RANBP17: variants seen among roughly 807,000 people sequenced by gnomAD.
The protein encoded by RANBP17 is RAN binding protein 17.
In RANBP17, 158 loss-of-function variants were observed where a neutral mutation model predicts 141.2. That is an observed-to-expected ratio of 1.12 (90% CI 0.98 to 1.28). The LOEUF (loss-of-function observed/expected upper bound fraction) is 1.28, where lower values mean the gene tolerates loss of function less well. Among genes scored for constraint, RANBP17 ranks in the 50% most tolerant of loss-of-function variants. The pLI is 0.00. For synonymous variants in RANBP17, 430 were observed against 450.0 expected, an observed-to-expected ratio of 0.96 and a Z score of 0.56; for missense variants, 1,438 against 1,290.7, an observed-to-expected ratio of 1.11 and a Z score of -1.75.
chr5:171,065,302 G>A (rs1784240489), intron 14 of RANBP17, among the ~76,000 whole-genome samples: 2 of 152,036 alleles, frequency 1.3e-5, no homozygotes. Context: ...CAGAATGGGG[G>A]GGTGGGGTGA....
chr5:171,049,777 G>T (rs1193406367), intron 14 of RANBP17, among the ~76,000 whole-genome samples: 1 of 152,132 alleles, frequency 6.6e-6, no homozygotes, highest in African/African-American at 2.4e-5. Flanking sequence ...GCACATGGCT[G>T]TAGGCATGCA....
At chr5:171,067,209 A>C (rs1784362011) in intron 14 of RANBP17, among the ~76,000 whole-genome samples, 1 of 152,114 alleles carries the variant, frequency 6.6e-6, no homozygotes, top group Non-Finnish European at 1.5e-5. Context: ...TGGGGTTTAC[A>C]CTAAACATCC....
At chr5:171,164,109 T>C (rs1288968618) in intron 14 of RANBP17, among the ~76,000 whole-genome samples, 1 of 152,172 alleles carries the variant, frequency 6.6e-6, no homozygotes, top group Non-Finnish European at 1.5e-5. Context: ...ATTTGTTTCA[T>C]GTGGTGCTTT....
chr5:171,124,993 A>G (rs1756324138), intron 14 of RANBP17, among the ~76,000 whole-genome samples: 1 of 152,196 alleles, frequency 6.6e-6, no homozygotes, highest in South Asian at 2.1e-4. Context: ...GTAGACACGT[A>G]GATTGAAAGT....
At chr5:170,892,663 T>C (rs1208424968) in intron 4 of RANBP17, 110 bp downstream of exon 4, 5 of 707,614 alleles carry the variant, frequency 7.1e-6, no homozygotes, top group Non-Finnish European at 9.0e-6. Context: ...AGTACCATGT[T>C]AATTATGATT....
At chr5:171,010,473 A>G (rs1779959579) in intron 14 of RANBP17, among the ~76,000 whole-genome samples, 1 of 152,204 alleles carries the variant, frequency 6.6e-6, no homozygotes, top group Non-Finnish European at 1.5e-5. Flanking sequence ...TTTCTGGAGG[A>G]AGCTAATACA....
chr5:171,128,495 T>TAA (rs1282070656), intron 14 of RANBP17, among the ~76,000 whole-genome samples: 4 of 152,150 alleles, frequency 2.6e-5, no homozygotes, highest in African/African-American at 9.7e-5. Flanking sequence ...GAATGATGGC[T>TAA]ACCAGAGGCT....
chr5:171,017,624 G>T (rs1324864955), intron 14 of RANBP17, among the ~76,000 whole-genome samples: 1 of 152,084 alleles, frequency 6.6e-6, no homozygotes, highest in Non-Finnish European at 1.5e-5. Flanking sequence ...TTGTAAATTT[G>T]TTTAAGTTCC....
At chr5:171,090,076 A>G (rs954114061) in intron 14 of RANBP17, among the ~76,000 whole-genome samples, 3 of 152,208 alleles carry the variant, frequency 2.0e-5, no homozygotes, top group East Asian at 1.9e-4. Flanking sequence ...TATGGAAGCA[A>G]CTTTGCAACT....
At chr5:170,911,488 A>G in intron 7 of RANBP17, 1 of 702,926 alleles carries the variant, frequency 1.4e-6, no homozygotes, top group Non-Finnish European at 2.7e-6. Context: ...GTGCTGGTCA[A>G]ACCTTTAAAT....
intron 14 of RANBP17, among the ~76,000 whole-genome samples, chr5:171,039,021 A>G (rs1782069747): frequency 6.6e-6 from 1 of 152,118 alleles, no homozygotes; most frequent in Admixed American, 6.6e-5. Context: ...TTTTGTGAAT[A>G]GTGCTGTGAT....
chr5:171,230,668 A>G (rs1764155580), intron 22 of RANBP17, among the ~76,000 whole-genome samples: 1 of 152,168 alleles, frequency 6.6e-6, no homozygotes, highest in Non-Finnish European at 1.5e-5. Flanking sequence ...AGGCTGAGGC[A>G]GGAGAATTGC....
intron 14 of RANBP17, among the ~76,000 whole-genome samples, chr5:171,144,286 A>T (rs977711884): frequency 6.6e-6 from 1 of 152,068 alleles, no homozygotes; most frequent in Non-Finnish European, 1.5e-5. Flanking sequence ...GGATCGCTTG[A>T]GCCCAGGAGG....
chr5:171,214,766 TA>T (rs1213110890), intron 21 of RANBP17, among the ~76,000 whole-genome samples: 20 of 152,178 alleles, frequency 1.3e-4, no homozygotes, highest in African/African-American at 4.8e-4. Context: ...TTTTTAATTA[TA>T]TTTCCATTTT....
chr5:171,122,911 C>T, intron 14 of RANBP17, among the ~76,000 whole-genome samples: 1 of 152,196 alleles, frequency 6.6e-6, no homozygotes, highest in East Asian at 1.9e-4. Flanking sequence ...CATGTCCACT[C>T]AGAGGGCTTC....
intron 14 of RANBP17, among the ~76,000 whole-genome samples, chr5:171,074,732 T>C (rs1017448853): frequency 6.6e-6 from 1 of 152,240 alleles, no homozygotes; most frequent in Non-Finnish European, 1.5e-5. Flanking sequence ...ATAATCTTTG[T>C]CCATTTTTTA....
At chr5:170,961,839 A>G (rs940792492) in intron 13 of RANBP17, among the ~76,000 whole-genome samples, 6 of 152,184 alleles carry the variant, frequency 3.9e-5, no homozygotes, top group East Asian at 1.9e-4. Flanking sequence ...GAGACTGTCA[A>G]TTGTCTTTCA....
At chr5:171,150,720 T>G (rs989154268) in intron 14 of RANBP17, among the ~76,000 whole-genome samples, 4 of 152,148 alleles carry the variant, frequency 2.6e-5, no homozygotes, top group African/African-American at 9.7e-5. Context: ...TGAACTCTGG[T>G]TTTTACATTG....
At chr5:170,956,613 G>T (rs1343032269) in intron 13 of RANBP17, among the ~76,000 whole-genome samples, 1 of 151,786 alleles carries the variant, frequency 6.6e-6, no homozygotes, top group East Asian at 2.0e-4. Flanking sequence ...ACCACGCCTG[G>T]CTAATTTTGT....
Sources: allele counts gnomAD v4.1 joint callset (sites outside exome capture counted in the v4.1 genomes callset), GRCh38; gene constraint gnomAD v4.1.1; transcripts MANE v1.5; gene names NCBI Gene and HGNC (gene_info 2026-07-23, HGNC 2026-07-21).